Variants in BFSP1 observed in about 807,000 individuals in gnomAD.
BFSP1 encodes the protein filensin.
A neutral mutation model predicts 43.9 loss-of-function variants in BFSP1; 38 were observed. The observed-to-expected ratio is 0.87, with a 90% confidence interval of 0.67 to 1.14. BFSP1 has a LOEUF of 1.14. BFSP1 is among the 50% of genes most tolerant of loss of function. The pLI is 0.00. For synonymous variants in BFSP1, 352 were observed against 354.8 expected, an observed-to-expected ratio of 0.99 and a Z score of 0.09; for missense variants, 850 against 875.1, an observed-to-expected ratio of 0.97 and a Z score of 0.36.
upstream of BFSP1, among the ~76,000 whole-genome samples, chr20:17,562,163 GT>G (rs2035072243): frequency 6.6e-6 from 1 of 151,694 alleles, no homozygotes; most frequent in South Asian, 2.1e-4. Context: ...CTCGTGATCG[GT>G]CCGCCTCGGT....
At chr20:17,528,129 G>T (rs2034460545) in intron 1 of BFSP1, among the ~76,000 whole-genome samples, 1 of 152,196 alleles carries the variant, frequency 6.6e-6, no homozygotes. Flanking sequence ...AGCCTGGCAT[G>T]TATGTGTATG....
intron 1 of BFSP1, among the ~76,000 whole-genome samples, chr20:17,550,624 C>A (rs2034881246): frequency 6.6e-6 from 1 of 152,068 alleles, no homozygotes; most frequent in South Asian, 2.1e-4. Flanking sequence ...ATCTGCCCAC[C>A]ACCACACCCG....
intron 5 of BFSP1, among the ~76,000 whole-genome samples, chr20:17,505,857 C>T (rs1442605267): frequency 4.6e-5 from 7 of 152,218 alleles, no homozygotes; most frequent in Admixed American, 3.9e-4. Context: ...CACCCAGCCA[C>T]GTCTGGGTTT....
At chr20:17,565,143 T>G (rs1333799380) in intron 1 of BFSP1, among the ~76,000 whole-genome samples, 1 of 152,192 alleles carries the variant, frequency 6.6e-6, no homozygotes, top group Non-Finnish European at 1.5e-5. Flanking sequence ...TTAACACTTA[T>G]TCTGATTTTT....
In BFSP1 at chr20:17,531,167, C is replaced by T. The variant is rs1390797865; in HGVS notation, c.163G>A (p.Val55Ile). ...QGLGERVAAHVQRARALEQRH... is the reference protein window; with the variant it reads ...QGLGERVAAHIQRARALEQRH... ...TGCTCGAGGGCGCGGGCCCGCTGGACGTGGGCGGCCACGCGCTCGCCGAGC... is the reference window on the plus strand; with the variant it reads ...TGCTCGAGGGCGCGGGCCCGCTGGATGTGGGCGGCCACGCGCTCGCCGAGC... The change falls in exon 1 of 8, where the codon GTC becomes ATC. Residue 55 changes from valine to isoleucine, a missense_variant. By Grantham distance (29) the Val-to-Ile change is conservative. Transcript: ENST00000377873. 5.4e-6 allele frequency: 7 copies of T among 1,293,310 alleles called. No individual in the cohort carries two copies. Among genetic ancestry groups the T allele is most frequent in the Admixed American group, 7.8e-5 (2 of 25,574 alleles). The allele number at this position is 1,293,310 out of a possible 1,614,324, so 80.1% of individuals were successfully genotyped here. A position where few individuals can be genotyped will look rare whatever the true frequency, so the allele number is the denominator to read the frequency against.
chr20:17,510,211 C>T (rs1031361702), intron 4 of BFSP1, among the ~76,000 whole-genome samples: 6 of 152,214 alleles, frequency 3.9e-5, no homozygotes, highest in African/African-American at 1.4e-4. Flanking sequence ...TGAGGCTGGA[C>T]TGGACACTCT....
chr20:17,537,814 C>T (rs1040919205), intron 1 of BFSP1, among the ~76,000 whole-genome samples: 4 of 151,998 alleles, frequency 2.6e-5, no homozygotes, highest in African/African-American at 7.3e-5. Context: ...CATTGTATTA[C>T]GACATGTAAG....
chr20:17,548,180 CA>C (rs11470598), intron 1 of BFSP1, among the ~76,000 whole-genome samples: 11,541 of 119,390 alleles, frequency 0.097, 428 homozygotes, highest in East Asian at 0.3. Flanking sequence ...GAAAATAATG[CA>C]AAAAAAAAAA....
At chr20:17,524,993 T>C (rs1018627239) in intron 1 of BFSP1, 85 bp from the exon 2 acceptor site, 2 of 1,177,112 alleles carry the variant, frequency 1.7e-6, no homozygotes, top group African/African-American at 3.0e-5. Context: ...AAATTCAACC[T>C]GGGTACGATG....
chr20:17,518,132 C>T (rs2034241214), intron 2 of BFSP1, among the ~76,000 whole-genome samples: 1 of 151,486 alleles, frequency 6.6e-6, no homozygotes, highest in Non-Finnish European at 1.5e-5. Context: ...GGGAAAACCA[C>T]TCCCTTCAAC....
chr20:17,566,097 G>A (rs2035115379), intron 1 of BFSP1, among the ~76,000 whole-genome samples: 3 of 139,308 alleles, frequency 2.2e-5, no homozygotes, highest in African/African-American at 8.3e-5. Flanking sequence ...CAGCCTGGGT[G>A]ACAGAGCAAG....
In BFSP1 at chr20:17,494,678, T is replaced by C. The variant is rs774911672; in HGVS notation, c.1394A>G (p.Tyr465Cys). 8 of 1,614,176 alleles carry C rather than the reference T, an allele frequency of 5.0e-6. No individual in the cohort carries two copies. The highest frequency in any genetic ancestry group is 1.7e-5 in the Admixed American group (1 of 60,022). The change falls in exon 8 of 8, where the codon TAC (tyrosine) becomes TGC (cysteine). Residue 465 changes from tyrosine (Y) to cysteine (C), a missense_variant. Transcript: ENST00000377873. ...GACCAGCACGTGCCGCTCTTTGGTG[T>C]AGAGCTCAGTGGGGGTCTCAGGCTC... Reference protein sequence around the residue: ...PKEPETPTELYTKERHVLVTG... With the variant: ...PKEPETPTELCTKERHVLVTG...
chr20:17,515,021 C>A (rs2034168067), intron 2 of BFSP1, among the ~76,000 whole-genome samples: 1 of 152,212 alleles, frequency 6.6e-6, no homozygotes, highest in Non-Finnish European at 1.5e-5. Flanking sequence ...CAGTTCTCAA[C>A]AGAGGGTGAT....
At chr20:17,495,476 C>T (rs2239654) in intron 7 of BFSP1, among the ~76,000 whole-genome samples, 56,408 of 152,030 alleles carry the variant, frequency 0.37, 10,740 homozygotes, top group African/African-American at 0.48. Context: ...AAAGGAGAGA[C>T]GACAGAGCTA....
chr20:17,563,446 TCAAA>T (rs1026619428), upstream of BFSP1, among the ~76,000 whole-genome samples: 1 of 143,406 alleles, frequency 7.0e-6, no homozygotes, highest in African/African-American at 2.6e-5. Flanking sequence ...GCCTCCCAGG[TCAAA>T]CAATTTTCCT....
chr20:17,568,344 T>C (rs1040518985), intron 1 of BFSP1, among the ~76,000 whole-genome samples: 19 of 151,968 alleles, frequency 1.3e-4, no homozygotes, highest in African/African-American at 4.6e-4. Context: ...CATGTATCCT[T>C]AAATGAGCAC....
chr20:17,562,224 T>G (rs139060870), upstream of BFSP1, among the ~76,000 whole-genome samples: 1 of 151,666 alleles, frequency 6.6e-6, no homozygotes, highest in East Asian at 2.0e-4. Context: ...CCGGAGGATT[T>G]ATACTTTTTA....
intron 1 of BFSP1, among the ~76,000 whole-genome samples, chr20:17,548,071 C>T (rs6105774): frequency 0.46 from 69,154 of 149,664 alleles, 16,479 homozygotes; most frequent in South Asian, 0.58. Flanking sequence ...TTTATGGAAA[C>T]GGGGGAAAAA....
At chr20:17,535,234 C>T (rs544386715), upstream of BFSP1, among the ~76,000 whole-genome samples, 3 of 152,214 alleles carry the variant, frequency 2.0e-5, no homozygotes, top group African/African-American at 7.2e-5. Context: ...TTAGAAAATA[C>T]ACTCTGAGGG....
Sources: allele counts gnomAD v4.1 joint callset (sites outside exome capture counted in the v4.1 genomes callset), GRCh38; gene constraint gnomAD v4.1.1; transcripts MANE v1.5; gene names NCBI Gene and HGNC (gene_info 2026-07-23, HGNC 2026-07-21).